CACNA2D3: variants seen among roughly 807,000 people sequenced by gnomAD.
The protein encoded by CACNA2D3 is calcium voltage-gated channel auxiliary subunit alpha2delta 3, also known as voltage-dependent calcium channel subunit alpha-2/delta-3.
A neutral mutation model predicts 160.6 loss-of-function variants in CACNA2D3; 60 were observed. The observed-to-expected ratio is 0.37, with a 90% CI of 0.30 to 0.46. CACNA2D3 has a LOEUF of 0.46. Ranked by LOEUF, CACNA2D3 falls within the 20% of genes least tolerant of loss-of-function variation. The pLI is 1.00. For missense variants in CACNA2D3, 1,205 were observed against 1,365.0 expected (o/e 0.88, Z 1.85); for synonymous variants, 558 against 492.9 (o/e 1.13, Z -1.75).
At chr3:54,530,419 C>T (rs560246367) in intron 5 of CACNA2D3, among the ~76,000 whole-genome samples, 163 of 152,282 alleles carry the variant, frequency 1.1e-3, no homozygotes, top group Non-Finnish European at 1.5e-3. Flanking sequence ...TGGGAAAGGA[C>T]TGTGTTTTTC....
intron 11 of CACNA2D3, among the ~76,000 whole-genome samples, chr3:54,732,126 G>A (rs981257828): frequency 6.6e-6 from 1 of 152,152 alleles, no homozygotes; most frequent in Admixed American, 6.5e-5. Context: ...CGTGTTTAAG[G>A]GTGAAAAGTG....
intron 5 of CACNA2D3, among the ~76,000 whole-genome samples, chr3:54,523,144 A>AT (rs774191437): frequency 2.2e-4 from 34 of 152,110 alleles, no homozygotes; most frequent in Non-Finnish European, 4.4e-4. Context: ...AGCATTTAAT[A>AT]TTTCACCATT....
rs900910304 is a variant in CACNA2D3, at chr3:54,641,734, C to T, written c.1054-394C>T. ...TATTGCTACAAAGAGTCTGTTTTGT[C>T]AGTCTTATGATTGTGGTTTTAACAT... On this transcript the variant is annotated intron_variant, in intron 10 of 37. Transcript: ENST00000474759. Among the ~76,000 whole-genome samples, 9 of 152,252 alleles carry T rather than the reference C, an allele frequency of 5.9e-5. 1 individual carries two copies. The highest frequency in any genetic ancestry group is 6.5e-5 in the Admixed American group (1 of 15,294).
At chr3:54,984,803 C>T (rs1233088539) in intron 30 of CACNA2D3, 133 bp downstream of exon 30, 1 of 640,176 alleles carries the variant, frequency 1.6e-6, no homozygotes, top group Non-Finnish European at 2.7e-6. Flanking sequence ...ATTATAAAAC[C>T]TTATTTCCAT....
chr3:54,419,660 G>A (rs1699808357), intron 4 of CACNA2D3, among the ~76,000 whole-genome samples: 1 of 152,196 alleles, frequency 6.6e-6, no homozygotes, highest in African/African-American at 2.4e-5. Flanking sequence ...AGGGCAGGTA[G>A]TCTGAGAAAA....
chr3:54,531,428 G>A lies in CACNA2D3; in HGVS notation c.544+27774G>A, dbSNP rs1206603095. On this transcript the variant is annotated intron_variant, in intron 5 of 37. Coordinates refer to ENST00000474759, the MANE Select transcript of CACNA2D3 (RefSeq NM_018398.3). ...AACCCACTTAATCAAAAAAATGGCT[G>A]TGGTTCATCATGTTTCAATCTCGTT... 1.9e-4 allele frequency among the ~76,000 whole-genome samples: 29 copies of A among 152,192 alleles called. 1 individual carries two copies. The highest frequency in any genetic ancestry group is 1.9e-3 in the Admixed American group (29 of 15,280).
At chr3:54,269,640 G>C (rs116204395) in intron 2 of CACNA2D3, among the ~76,000 whole-genome samples, 3,505 of 152,172 alleles carry the variant, frequency 0.023, 69 homozygotes, top group Non-Finnish European at 0.039. Flanking sequence ...GAGGATCCTG[G>C]GCACCTAGGC....
At chr3:54,146,416 C>T (rs1700030135) in intron 2 of CACNA2D3, among the ~76,000 whole-genome samples, 1 of 152,222 alleles carries the variant, frequency 6.6e-6, no homozygotes, top group African/African-American at 2.4e-5. Flanking sequence ...CAATGCTGCT[C>T]TCTTTCCCAC....
chr3:54,236,402 A>G (rs771061615), intron 2 of CACNA2D3, among the ~76,000 whole-genome samples: 2 of 152,234 alleles, frequency 1.3e-5, no homozygotes, highest in South Asian at 2.1e-4. Context: ...GGCGTGCGAC[A>G]TATGGAAACT....
intron 14 of CACNA2D3, among the ~76,000 whole-genome samples, chr3:54,818,972 G>T (rs1429949357): frequency 6.6e-6 from 1 of 152,070 alleles, no homozygotes; most frequent in Non-Finnish European, 1.5e-5. Flanking sequence ...TGAGGGAGAG[G>T]TGCACCATAG....
At chr3:54,886,161 T>TCCCACAGTATAG (rs1699920349) in intron 23 of CACNA2D3, among the ~76,000 whole-genome samples, 1 of 20,310 alleles carries the variant, frequency 4.9e-5, no homozygotes, top group African/African-American at 6.0e-4. Flanking sequence ...GACCCTATAC[T>TCCCACAGTATAG]CTCACAGTTT....
chr3:54,472,108 A>G (rs367947292), intron 4 of CACNA2D3, among the ~76,000 whole-genome samples: 1 of 152,242 alleles, frequency 6.6e-6, no homozygotes, highest in Non-Finnish European at 1.5e-5. Flanking sequence ...AGAAAATTTC[A>G]GGCCAGTATC....
intron 27 of CACNA2D3, chr3:54,927,814 T>A: frequency 5.7e-6 from 8 of 1,392,314 alleles, no homozygotes; most frequent in Non-Finnish European, 7.2e-6. Flanking sequence ...ACAGACGACT[T>A]GAAAATAGAT....
chr3:54,386,726 G>T lies in CACNA2D3; in HGVS notation c.333G>T (p.Glu111Asp). 6.4e-7 allele frequency: 1 copy of T among 1,565,066 alleles called. No homozygotes were observed. Among genetic ancestry groups the T allele is most frequent in the Non-Finnish European group, 8.6e-7 (1 of 1,157,138 alleles). ...KKSEAVRRLVEAAEEAHLKHE... is the reference protein window; with the variant it reads ...KKSEAVRRLVDAAEEAHLKHE... ...TTTTTTTTTTTTAGCGTCTGGTGGA[G>T]GCTGCAGAAGAAGCACACCTGAAAC... The change falls in exon 4 of 38, where the codon GAG becomes GAT. Residue 111 changes from glutamate to aspartate, a missense_variant. By Grantham distance (45) the Glu-to-Asp change is conservative (BLOSUM62 2). Coordinates refer to ENST00000474759, the MANE Select transcript of CACNA2D3 (RefSeq NM_018398.3).
At chr3:54,565,664 T>A (rs1344005970) in intron 6 of CACNA2D3, among the ~76,000 whole-genome samples, 3 of 152,172 alleles carry the variant, frequency 2.0e-5, no homozygotes, top group African/African-American at 7.2e-5. Flanking sequence ...TATTTAAAAT[T>A]AAAATTAAAT....
chr3:54,320,867 A>G (rs1191168680), intron 3 of CACNA2D3, among the ~76,000 whole-genome samples: 1 of 152,216 alleles, frequency 6.6e-6, no homozygotes, highest in East Asian at 1.9e-4. Context: ...GCCAAAAACC[A>G]TTCAAAGGTA....
chr3:54,717,633 TGTG>T (rs1701077321), intron 11 of CACNA2D3, among the ~76,000 whole-genome samples: 1 of 144,338 alleles, frequency 6.9e-6, no homozygotes, highest in African/African-American at 2.6e-5. Context: ...TGCATGTGTG[TGTG>T]GTGTGTGCGT....
At chr3:54,961,170 C>T (rs564892791) in intron 27 of CACNA2D3, among the ~76,000 whole-genome samples, 1 of 152,346 alleles carries the variant, frequency 6.6e-6, no homozygotes, top group Non-Finnish European at 1.5e-5. Flanking sequence ...GGCCTTGTTA[C>T]TATCACTGCT....
chr3:54,851,826 G>T (rs1286379637), intron 17 of CACNA2D3, among the ~76,000 whole-genome samples: 1 of 152,182 alleles, frequency 6.6e-6, no homozygotes, highest in Non-Finnish European at 1.5e-5. Context: ...CATTATTAAT[G>T]TGATATTTTA....
Sources: gnomAD v4.1 joint callset for allele counts (sites outside exome capture counted in the v4.1 genomes callset) on GRCh38, gnomAD v4.1.1 for gene constraint, MANE v1.5 for transcripts, NCBI Gene and HGNC (gene_info 2026-07-23, HGNC 2026-07-21) for gene names.